ABCC4: variants seen among roughly 807,000 people sequenced by gnomAD.
ABCC4 encodes ATP binding cassette subfamily C member 4 (PEL blood group), also known as ATP-binding cassette sub-family C member 4.
Under a neutral mutation model 168.5 loss-of-function variants are expected in ABCC4, and 102 were observed. The ratio of observed to expected loss-of-function variants is 0.61; its 90% CI spans 0.52 to 0.71. The LOEUF is 0.71. ABCC4 is among the 30% of genes least tolerant of loss of function. The probability of loss-of-function intolerance (pLI) is 0.00; values close to 1 mark genes in which losing one functional copy is unlikely to be tolerated. For synonymous variants in ABCC4, 617 were observed against 590.7 expected, an observed-to-expected ratio of 1.04 and a Z score of -0.65; for missense variants, 1,402 against 1,605.8, an observed-to-expected ratio of 0.87 and a Z score of 2.17.
intron 20 of ABCC4, among the ~76,000 whole-genome samples, chr13:95,095,213 G>A (rs574856676): frequency 1.2e-3 from 182 of 152,220 alleles, no homozygotes; most frequent in African/African-American, 4.2e-3. Flanking sequence ...ATAGCAGCAC[G>A]ATTCACAATT....
chr13:95,226,344 T>C (rs568824235), intron 4 of ABCC4, among the ~76,000 whole-genome samples: 4 of 152,310 alleles, frequency 2.6e-5, no homozygotes, highest in African/African-American at 9.6e-5. Flanking sequence ...AAAGCTATAG[T>C]AATTAAGATA....
At chr13:95,264,160 G>C (rs548211606) in intron 1 of ABCC4, among the ~76,000 whole-genome samples, 34 of 152,072 alleles carry the variant, frequency 2.2e-4, no homozygotes, top group African/African-American at 8.2e-4. Flanking sequence ...ATAAATAAAT[G>C]AGTGAATAAA....
chr13:95,272,974 C>G (rs112859374), intron 1 of ABCC4, among the ~76,000 whole-genome samples: 2 of 152,166 alleles, frequency 1.3e-5, no homozygotes, highest in African/African-American at 4.8e-5. Context: ...TACACACACA[C>G]ACACACCCCC....
intron 19 of ABCC4, chr13:95,148,952 G>A (rs1037339927): frequency 6.6e-6 from 1 of 152,150 alleles, no homozygotes; most frequent in African/African-American, 2.4e-5. Flanking sequence ...TGTGAAAGGA[G>A]ATGAGAGTGG....
intron 26 of ABCC4, among the ~76,000 whole-genome samples, chr13:95,057,349 C>T (rs1158810210): frequency 6.6e-6 from 1 of 152,076 alleles, no homozygotes; most frequent in Non-Finnish European, 1.5e-5. Context: ...AAGCAATTCT[C>T]CTGCTTCGGC....
At chr13:95,052,980 G>A in intron 27 of ABCC4, 115 bp downstream of exon 27, 1 of 830,884 alleles carries the variant, frequency 1.2e-6, no homozygotes, top group South Asian at 1.5e-5. Flanking sequence ...TCTCCTGGGT[G>A]GTGAACAAAG....
intron 20 of ABCC4, among the ~76,000 whole-genome samples, chr13:95,102,110 A>G (rs1056357839): frequency 2.6e-5 from 4 of 152,154 alleles, no homozygotes; most frequent in Non-Finnish European, 5.9e-5. Flanking sequence ...AGCCTCTCCC[A>G]TTCCATCCTA....
At chr13:95,082,816 A>G (rs2034140446) in intron 21 of ABCC4, among the ~76,000 whole-genome samples, 1 of 152,180 alleles carries the variant, frequency 6.6e-6, no homozygotes. Context: ...ATGTTTAATT[A>G]AGTGCCGGCT....
intron 19 of ABCC4, among the ~76,000 whole-genome samples, chr13:95,118,724 G>C (rs1286880236): frequency 6.6e-6 from 1 of 152,138 alleles, no homozygotes. Flanking sequence ...GCATCTCCAG[G>C]GATGTCGAGA....
At chr13:95,252,955 C>T (rs1421267230) in intron 1 of ABCC4, among the ~76,000 whole-genome samples, 1 of 152,220 alleles carries the variant, frequency 6.6e-6, no homozygotes, top group Non-Finnish European at 1.5e-5. Flanking sequence ...AGGAATTCAA[C>T]ACTTATTTTA....
chr13:95,258,012 G>A (rs950754987), intron 1 of ABCC4, among the ~76,000 whole-genome samples: 4 of 151,960 alleles, frequency 2.6e-5, no homozygotes, highest in Non-Finnish European at 4.4e-5. Context: ...CTGCAGGAGC[G>A]CCAACATGCC....
At chr13:95,095,908 A>C in intron 20 of ABCC4, 1 of 364,746 alleles carries the variant, frequency 2.7e-6, no homozygotes. Flanking sequence ...ACAAAAACCC[A>C]GAGTACTCAA....
chr13:95,269,434 AAT>A (rs752369744), intron 1 of ABCC4: 7,386 of 118,584 alleles, frequency 0.062, 189 homozygotes, highest in African/African-American at 0.12. Flanking sequence ...TCAAAAAAAA[AAT>A]ATATATATAT....
intron 4 of ABCC4, among the ~76,000 whole-genome samples, chr13:95,219,459 A>G (rs1366322770): frequency 1.3e-5 from 2 of 152,190 alleles, no homozygotes; most frequent in East Asian, 1.9e-4. Flanking sequence ...TAAGGAGAAT[A>G]TAAATGCAGT....
intron 4 of ABCC4, among the ~76,000 whole-genome samples, chr13:95,225,935 T>A (rs190470902): frequency 7.9e-6 from 1 of 126,546 alleles, no homozygotes; most frequent in African/African-American, 3.0e-5. Context: ...AGGAAGATCA[T>A]CCTGGGCAAC....
At chr13:95,054,162 G>T (rs542992936) in intron 26 of ABCC4, among the ~76,000 whole-genome samples, 1 of 150,352 alleles carries the variant, frequency 6.7e-6, no homozygotes, top group Non-Finnish European at 1.5e-5. Context: ...TATCTCATCT[G>T]TGCATCAAGG....
At chr13:95,115,088 G>A (rs994577910) in intron 20 of ABCC4, among the ~76,000 whole-genome samples, 2 of 152,002 alleles carry the variant, frequency 1.3e-5, no homozygotes, top group Non-Finnish European at 2.9e-5. Context: ...GAAAAAAAAA[G>A]TGCCCCAGCT....
chr13:95,287,805 G>A (rs560852855), intron 1 of ABCC4, among the ~76,000 whole-genome samples: 1 of 151,834 alleles, frequency 6.6e-6, no homozygotes, highest in African/African-American at 2.4e-5. Flanking sequence ...CACTTTGGGA[G>A]GCCAAGGCTG....
chr13:95,209,788 T>C (rs1372701700), intron 5 of ABCC4, among the ~76,000 whole-genome samples, 191 bp from the exon 6 acceptor site: 1 of 152,064 alleles, frequency 6.6e-6, no homozygotes, highest in East Asian at 1.9e-4. Flanking sequence ...AAACAAAGAG[T>C]GGGTCTGGGA....
Sources: allele counts gnomAD v4.1 joint callset (sites outside exome capture counted in the v4.1 genomes callset), GRCh38; gene constraint gnomAD v4.1.1; transcripts MANE v1.5; gene names NCBI Gene and HGNC (gene_info 2026-07-23, HGNC 2026-07-21).